Variants in PAX8 observed in about 807,000 individuals in gnomAD.
PAX8 encodes paired box protein Pax-8.
Under a neutral mutation model 52.4 loss-of-function variants are expected in PAX8, and 15 were observed. The ratio of observed to expected loss-of-function variants is 0.29; its 90% CI spans 0.19 to 0.44. The LOEUF (loss-of-function observed/expected upper bound fraction) is 0.44, where lower values mean the gene tolerates loss of function less well. Ranked by LOEUF, PAX8 falls within the 20% of genes least tolerant of loss-of-function variation. PAX8 has a pLI of 1.00. For synonymous variants in PAX8, 284 were observed against 249.7 expected (o/e 1.14, Z -1.29); for missense variants, 554 against 602.5 (o/e 0.92, Z 0.84).
chr2:113,219,977 G>T, intron 11 of PAX8, 115 bp downstream of exon 11: 1 of 697,176 alleles, frequency 1.4e-6, no homozygotes, highest in Non-Finnish European at 2.5e-6. Context: ...CCATCTCCCA[G>T]GCCCTCTGTA....
intron 4 of PAX8, among the ~76,000 whole-genome samples, chr2:113,243,946 G>T (rs753561714): frequency 2.0e-5 from 3 of 152,224 alleles, no homozygotes; most frequent in Non-Finnish European, 4.4e-5. Flanking sequence ...GCTCCGCAAA[G>T]ATGGGCTTTG....
intron 5 of PAX8, 126 bp from the exon 6 acceptor site, chr2:113,242,256 G>T: frequency 1.3e-6 from 1 of 747,692 alleles, no homozygotes; most frequent in South Asian, 1.7e-5. Context: ...AGGAGCAAGG[G>T]GTGGGACACC....
chr2:113,232,293 C>T (rs1689945450), intron 9 of PAX8, among the ~76,000 whole-genome samples: 1 of 152,242 alleles, frequency 6.6e-6, no homozygotes, highest in South Asian at 2.1e-4. Flanking sequence ...TGCTTTCTGA[C>T]TTGCTTCCTA....
At chr2:113,238,453 T>A (rs566810712) in intron 7 of PAX8, 1 of 152,742 alleles carries the variant, frequency 6.5e-6, no homozygotes, top group African/African-American at 2.4e-5. Context: ...GGATGTGTTG[T>A]TTTGACAGCA....
chr2:113,233,044 C>CTCCTT (rs1689993907), intron 9 of PAX8, among the ~76,000 whole-genome samples: 1 of 142,802 alleles, frequency 7.0e-6, no homozygotes, highest in African/African-American at 2.7e-5. Flanking sequence ...CTCCCCTCCC[C>CTCCTT]TCCCTTCCCT....
chr2:113,270,071 C>A (rs1415820079), intron 2 of PAX8: 6 of 152,192 alleles, frequency 3.9e-5, no homozygotes, highest in Non-Finnish European at 8.8e-5. Flanking sequence ...TCTATGCGTC[C>A]CTTCATTTAA....
At chr2:113,274,820 A>G (rs1393451444) in intron 2 of PAX8, 1 of 152,228 alleles carries the variant, frequency 6.6e-6, no homozygotes. Context: ...CACAAAAATT[A>G]TTTACACAGC....
intron 2 of PAX8, chr2:113,250,646 TAAGAGAATAACTCTTCATACTCCTCCAAC>T (rs1486979669): frequency 2.0e-5 from 3 of 152,254 alleles, no homozygotes; most frequent in African/African-American, 7.2e-5. Flanking sequence ...AAATTAAGCG[TAAGAGAATAACTCTTCATACTCCTCCAAC>T]ATTCTTCTGA....
chr2:113,236,688 G>A lies in PAX8; in HGVS notation c.811C>T (p.Leu271=). Residue 271 remains leucine (L), a synonymous_variant, in exon 8 of 12, where the codon CTG becomes TTG. Transcript: ENST00000429538. ...GTCAGGGTGGCCTTCCCGTCGTCCA[G>A]GGTGCTGTTGAGCAAGGGCAGCGGG... The part of the protein sequence containing the change: ...LYPLPLLNST[L]DDGKATLTPS... The A allele has an allele frequency of 6.3e-7, 1 of 1,584,842 alleles. No individual in the cohort carries two copies. The highest frequency in any genetic ancestry group is 8.6e-7 in the Non-Finnish European group (1 of 1,165,960).
chr2:113,258,526 CT>C (rs2104555202), intron 2 of PAX8, among the ~76,000 whole-genome samples: 1 of 152,306 alleles, frequency 6.6e-6, no homozygotes, highest in African/African-American at 2.4e-5. Context: ...TCCCTGCTGG[CT>C]CTTTTGGCCA....
intron 9 of PAX8, among the ~76,000 whole-genome samples, chr2:113,234,011 G>A (rs1386812371): frequency 1.3e-5 from 2 of 152,210 alleles, no homozygotes; most frequent in Non-Finnish European, 2.9e-5. Context: ...CAAGGTCGTC[G>A]GGGTAGGAGG....
At chr2:113,252,495 C>T (rs372116132) in intron 2 of PAX8, among the ~76,000 whole-genome samples, 2 of 152,224 alleles carry the variant, frequency 1.3e-5, no homozygotes, top group East Asian at 3.9e-4. Context: ...TGTCCAAAGT[C>T]TGCACACTGG....
At chr2:113,227,089 T>C (rs747087787) in intron 10 of PAX8, 66 bp downstream of exon 10, 1 of 1,539,472 alleles carries the variant, frequency 6.5e-7, no homozygotes, top group South Asian at 1.2e-5. Flanking sequence ...TCTTGCTCCT[T>C]GTGTCCCACC....
chr2:113,258,680 C>T (rs1692441784), intron 2 of PAX8, among the ~76,000 whole-genome samples: 1 of 152,220 alleles, frequency 6.6e-6, no homozygotes, highest in Admixed American at 6.5e-5. Context: ...GCCCTAATCT[C>T]CATTTATTTT....
intron 2 of PAX8, among the ~76,000 whole-genome samples, chr2:113,263,621 TA>T (rs1181359970): frequency 2.0e-5 from 3 of 152,168 alleles, no homozygotes; most frequent in African/African-American, 7.2e-5. Flanking sequence ...CACAGCCAGT[TA>T]GGGGCAGACC....
intron 2 of PAX8, among the ~76,000 whole-genome samples, chr2:113,252,369 C>T (rs912765205): frequency 1.3e-5 from 2 of 152,204 alleles, no homozygotes; most frequent in Non-Finnish European, 2.9e-5. Flanking sequence ...GGTCTGTGAT[C>T]TCCATGTGCC....
At position 113,278,227 on chromosome 2, in the gene PAX8, G is replaced by T. The variant is rs973648474; in HGVS notation, c.25+143C>A. On this transcript the variant is annotated intron_variant, in intron 2 of 11. Coordinates refer to ENST00000429538, the MANE Select transcript of PAX8 (RefSeq NM_003466.4). ...CGAGGCGGCTCCAGCGGAGGGCCAGGCCCCAGGCGCCCCAGCTGGGTCCCC... is the reference window on the plus strand; with the variant it reads ...CGAGGCGGCTCCAGCGGAGGGCCAGTCCCCAGGCGCCCCAGCTGGGTCCCC... 14 of 638,172 alleles carry T rather than the reference G, an allele frequency of 2.2e-5. No homozygotes were observed. In the African/African-American group the frequency reaches 2.2e-4, roughly 10 times the overall value. 39.5% of individuals were successfully genotyped at this position (638,172 alleles called of 1,614,324 possible). A position where few individuals can be genotyped will look rare whatever the true frequency, so the allele number is the denominator to read the frequency against.
intron 2 of PAX8, 115 bp downstream of exon 2, chr2:113,278,255 G>A (rs1465626998): frequency 1.2e-6 from 1 of 847,052 alleles, no homozygotes; most frequent in Non-Finnish European, 1.9e-6. Context: ...GGGTCCCCAC[G>A]CGGGTGGGTC....
At position 113,216,489 on chromosome 2, in the gene PAX8, C is replaced by G. The variant is rs143820836; in HGVS notation, c.*2044G>C. ...CACCTGGGCATCCCAGCTGCAGGCC[C>G]CTGCCCCCTTGTTCCAGCTGTGTCC... On this transcript the variant is annotated 3_prime_UTR_variant, in exon 12 of 12. Coordinates refer to ENST00000429538, the MANE Select transcript of PAX8 (RefSeq NM_003466.4). 4.1e-4 allele frequency: 95 copies of G among 231,098 alleles called. 1 individual carries two copies. The highest frequency in any genetic ancestry group is 1.9e-3 in the African/African-American group (85 of 45,304). The allele number at this position is 231,098 out of a possible 1,614,324, so 14.3% of individuals were successfully genotyped here. A position where few individuals can be genotyped will look rare whatever the true frequency, so the allele number is the denominator to read the frequency against.
Sources: allele counts gnomAD v4.1 joint callset (sites outside exome capture counted in the v4.1 genomes callset), GRCh38; gene constraint gnomAD v4.1.1; transcripts MANE v1.5; gene names NCBI Gene and HGNC (gene_info 2026-07-23, HGNC 2026-07-21).